The following ANKHD1 variants were observed in gnomAD, a reference collection of about 807,000 sequenced individuals.
The protein encoded by ANKHD1 is ankyrin repeat and KH domain containing 1, also known as ankyrin repeat and KH domain-containing protein 1.
Under a neutral mutation model 230.5 loss-of-function variants are expected in ANKHD1, and 31 were observed. The ratio of observed to expected loss-of-function variants is 0.13; its 90% confidence interval spans 0.10 to 0.18. The LOEUF (loss-of-function observed/expected upper bound fraction) is 0.18. Among genes scored for constraint, ANKHD1 ranks in the 10% least tolerant of loss-of-function variants. The pLI is 1.00. For synonymous variants in ANKHD1, 1,074 were observed against 1,117.6 expected (o/e 0.96, Z 0.78); for missense variants, 2,256 against 3,071.3 (o/e 0.73, Z 6.27).
At chr5:140,438,676 A>G in intron 3 of ANKHD1, 59 bp downstream of exon 3, 1 of 1,471,684 alleles carries the variant, frequency 6.8e-7, no homozygotes. Flanking sequence ...TTGGGGAAGT[A>G]GCCAATTTTG....
Position 140,402,186 on chromosome 5 carries a change from G to A in ANKHD1, c.219G>A (p.Ala73=). 6.6e-7 allele frequency: 1 copy of A among 1,523,950 alleles called. No homozygotes were observed. The highest frequency in any genetic ancestry group is 2.1e-5 in the Admixed American group (1 of 47,770). 94.4% of individuals were successfully genotyped at this position (1,523,950 alleles called of 1,614,324 possible). A position where few individuals can be genotyped will look rare whatever the true frequency, so the allele number is the denominator to read the frequency against. The part of the protein sequence containing the change: ...GSGSGTGGGD[A]ALDFKLAAAV... The stretch of plus-strand genomic sequence containing the variant: ...GCAGCGGTACGGGCGGAGGGGACGC[G>A]GCGCTGGATTTCAAGTTGGCGGCTG... The change falls in exon 1 of 34, where the codon GCG becomes GCA. Residue 73 remains alanine, a synonymous_variant. Transcript: ENST00000360839.
Position 140,524,173 on chromosome 5 carries a change from A to G in ANKHD1, c.4425A>G (p.Glu1475=), listed in dbSNP as rs1332022073. The G allele has an allele frequency of 1.9e-6, 3 of 1,601,240 alleles. No homozygotes were observed. Among genetic ancestry groups the G allele is most frequent in the Non-Finnish European group, 8.5e-7 (1 of 1,176,918 alleles). ...EEQKRKQEED[E]ENKPKENSEL... The stretch of plus-strand genomic sequence containing the variant: ...AGAAAAGGAAACAGGAAGAAGATGA[A>G]GAAAACAAACCTAAGGAGAATTCGG... Residue 1475 remains glutamate, a synonymous_variant, in exon 25 of 34, where the codon GAA becomes GAG. Transcript: ENST00000360839.
chr5:140,494,699 A>C (rs899137756), intron 14 of ANKHD1, among the ~76,000 whole-genome samples: 10 of 151,916 alleles, frequency 6.6e-5, no homozygotes, highest in South Asian at 2.1e-4. Context: ...TAGTTTTGTC[A>C]CCCCTTTGAA....
At chr5:140,483,882 G>A (rs1368836904) in intron 11 of ANKHD1, among the ~76,000 whole-genome samples, 1 of 152,140 alleles carries the variant, frequency 6.6e-6, no homozygotes, top group Non-Finnish European at 1.5e-5. Context: ...TGTAAAAGCT[G>A]TTTACCTCAA....
Position 140,441,062 on chromosome 5 carries a change from C to T in ANKHD1, c.833C>T (p.Ala278Val). ...GNKGDITPLM[A>V]ASSGGYLDIV... is the part of the protein sequence containing the mutation. ...AAAGGAGACATAACTCCCCTGATGGCAGCTTCCAGTGGAGGTTACTTAGAT... is the reference window on the plus strand; with the variant it reads ...AAAGGAGACATAACTCCCCTGATGGTAGCTTCCAGTGGAGGTTACTTAGAT... Residue 278 changes from alanine to valine, a missense_variant, in exon 5 of 34, where the codon GCA (alanine) becomes GTA (valine). Transcript: ENST00000360839. 1 of 1,612,136 alleles carries T rather than the reference C, an allele frequency of 6.2e-7. No homozygotes were observed. Among genetic ancestry groups the T allele is most frequent in the Middle Eastern group, 1.7e-4 (1 of 6,056 alleles).
chr5:140,488,614 T>C (rs1032959414), intron 14 of ANKHD1, among the ~76,000 whole-genome samples: 19 of 145,824 alleles, frequency 1.3e-4, no homozygotes, highest in East Asian at 8.2e-4. Flanking sequence ...TAAAAAAAAA[T>C]ATAGGCCACG....
intron 7 of ANKHD1, 130 bp downstream of exon 7, chr5:140,449,435 C>T (rs914400298): frequency 6.2e-5 from 63 of 1,013,210 alleles, no homozygotes; most frequent in Admixed American, 3.9e-4. Flanking sequence ...GAGGCCAAGT[C>T]GGGCGGATCA....
intron 1 of ANKHD1, among the ~76,000 whole-genome samples, chr5:140,419,776 TTCTTTCTTTCTTTCTTTCTTTC>T (rs1771734028): frequency 7.2e-5 from 1 of 13,846 alleles, no homozygotes; most frequent in Middle Eastern, 0.042. Context: ...TCCTTTCTTT[TTCTTTCTTTCTTTCTTTCTTTC>T]TTTCTTTCTT....
intron 1 of ANKHD1, among the ~76,000 whole-genome samples, chr5:140,421,815 G>T (rs189265230): frequency 2.8e-4 from 42 of 152,226 alleles, no homozygotes; most frequent in Non-Finnish European, 4.6e-4. Flanking sequence ...TGATAGGTTA[G>T]CAATGAAAAG....
chr5:140,407,234 G>A (rs576489472), intron 1 of ANKHD1, among the ~76,000 whole-genome samples: 46 of 143,368 alleles, frequency 3.2e-4, no homozygotes, highest in Admixed American at 7.8e-4. Context: ...GGCAGAAGTC[G>A]CAGTGAGCTG....
chr5:140,528,159 G>GTTTTTTTT, intron 28 of ANKHD1, 25 bp from the exon 29 acceptor site: 1 of 1,462,748 alleles, frequency 6.8e-7, no homozygotes, highest in East Asian at 2.5e-5. Context: ...TTTTGGTCTT[G>GTTTTTTTT]TTTCTGTTTT....
At chr5:140,476,270 C>T (rs959498544) in intron 10 of ANKHD1, among the ~76,000 whole-genome samples, 1 of 151,892 alleles carries the variant, frequency 6.6e-6, no homozygotes, top group Non-Finnish European at 1.5e-5. Flanking sequence ...ATATTATCTA[C>T]TAGAAGTTCC....
intron 21 of ANKHD1, 22 bp downstream of exon 21, chr5:140,509,834 G>A (rs954520138): frequency 1.3e-6 from 2 of 1,590,322 alleles, no homozygotes; most frequent in Non-Finnish European, 1.7e-6. Flanking sequence ...TCTATTATAT[G>A]TAGAACTTCT....
intron 10 of ANKHD1, among the ~76,000 whole-genome samples, chr5:140,472,807 A>G (rs771483041): frequency 1.6e-4 from 25 of 152,104 alleles, no homozygotes; most frequent in Admixed American, 2.0e-4. Flanking sequence ...ATTGTCTCCT[A>G]CTATTCTGAA....
At chr5:140,404,807 A>G (rs1581193119) in intron 1 of ANKHD1, among the ~76,000 whole-genome samples, 2 of 149,302 alleles carry the variant, frequency 1.3e-5, no homozygotes, top group East Asian at 3.9e-4. Context: ...TGGTCCTCCT[A>G]CCTCAGCCTC....
At chr5:140,469,603 A>G (rs1012647152) in intron 10 of ANKHD1, among the ~76,000 whole-genome samples, 1 of 152,108 alleles carries the variant, frequency 6.6e-6, no homozygotes, top group African/African-American at 2.4e-5. Flanking sequence ...CACAGGAATA[A>G]AATTACTTTC....
At chr5:140,453,618 T>G (rs1774924018) in intron 7 of ANKHD1, among the ~76,000 whole-genome samples, 1 of 152,142 alleles carries the variant, frequency 6.6e-6, no homozygotes, top group Admixed American at 6.5e-5. Flanking sequence ...AAACTAAGCT[T>G]CATAAGTGAA....
At chr5:140,531,961 C>T (rs1753844959) in intron 29 of ANKHD1, among the ~76,000 whole-genome samples, 2 of 152,102 alleles carry the variant, frequency 1.3e-5, no homozygotes, top group South Asian at 4.1e-4. Context: ...ATAATCCCAG[C>T]ACTTTGGGAG....
At position 140,526,167 on chromosome 5, in the gene ANKHD1, C is replaced by T. The variant is rs751483570; in HGVS notation, c.4664C>T (p.Pro1555Leu). 2.5e-6 allele frequency: 4 copies of T among 1,613,762 alleles called. No homozygotes were observed. In the Admixed American group the frequency reaches 5.0e-5, roughly 20 times the overall value. The change falls in exon 26 of 34, where the codon CCT becomes CTT. Residue 1555 changes from proline (P) to leucine (L), a missense_variant. Coordinates refer to ENST00000360839, the MANE Select transcript of ANKHD1 (RefSeq NM_017747.3). Reference protein sequence around the residue: ...NKKNKTKETPPTAHLILPEQH... With the variant: ...NKKNKTKETPLTAHLILPEQH... ...AAGAACAAAACAAAAGAAACCCCTC[C>T]TACAGCACATTTAATTTTACCAGAA...
Sources: allele counts gnomAD v4.1 joint callset (sites outside exome capture counted in the v4.1 genomes callset), GRCh38; gene constraint gnomAD v4.1.1; transcripts MANE v1.5; gene names NCBI Gene and HGNC (gene_info 2026-07-23, HGNC 2026-07-21).